Variants in CSMD1 observed in about 807,000 individuals in gnomAD.
CSMD1 encodes the protein CUB and Sushi multiple domains 1, also known as CUB and sushi domain-containing protein 1.
A neutral mutation model predicts 417.5 loss-of-function variants in CSMD1; 213 were observed. The ratio of observed to expected loss-of-function variants is 0.51; its 90% confidence interval spans 0.46 to 0.57. The LOEUF (loss-of-function observed/expected upper bound fraction) is 0.57, where lower values mean the gene tolerates loss of function less well. Among genes scored for constraint, CSMD1 ranks in the 20% least tolerant of loss-of-function variants. The pLI is 0.00. For synonymous variants in CSMD1, 2,862 were observed against 1,736.8 expected (o/e 1.65, Z -16.11); for missense variants, 6,923 against 4,529.7 (o/e 1.53, Z -15.17).
At chr8:4,323,247 C>T (rs1182466979) in intron 3 of CSMD1, among the ~76,000 whole-genome samples, 2 of 152,166 alleles carry the variant, frequency 1.3e-5, no homozygotes, top group African/African-American at 2.4e-5. Flanking sequence ...TATGTATAAG[C>T]AATTTTGCTT....
chr8:3,478,601 C>T (rs1489675615), intron 11 of CSMD1, among the ~76,000 whole-genome samples: 1 of 152,130 alleles, frequency 6.6e-6, no homozygotes, highest in Non-Finnish European at 1.5e-5. Context: ...AAACAGAAGG[C>T]CACTCCGACT....
chr8:3,563,744 C>G, intron 10 of CSMD1, among the ~76,000 whole-genome samples: 1 of 151,902 alleles, frequency 6.6e-6, no homozygotes. Flanking sequence ...CAAAGATTAG[C>G]TAGGTGTGGT....
intron 2 of CSMD1, among the ~76,000 whole-genome samples, chr8:4,438,825 C>G (rs1470392770): frequency 6.6e-6 from 1 of 152,210 alleles, no homozygotes; most frequent in East Asian, 1.9e-4. Flanking sequence ...AGATCTAATT[C>G]TCAAAATTGA....
At chr8:3,671,521 A>G in intron 7 of CSMD1, among the ~76,000 whole-genome samples, 1 of 7,794 alleles carries the variant, frequency 1.3e-4, no homozygotes, top group African/African-American at 8.7e-4. Flanking sequence ...ATGATCATAT[A>G]TATGATCATA....
intron 3 of CSMD1, among the ~76,000 whole-genome samples, chr8:4,250,237 C>A (rs1483103881): frequency 1.3e-5 from 2 of 152,160 alleles, no homozygotes; most frequent in Non-Finnish European, 2.9e-5. Flanking sequence ...CACAAATGTA[C>A]TAAGACAACC....
intron 3 of CSMD1, among the ~76,000 whole-genome samples, chr8:4,175,109 G>C (rs888887304): frequency 1.3e-5 from 2 of 151,884 alleles, no homozygotes; most frequent in African/African-American, 2.4e-5. Context: ...TTTCTGCCAA[G>C]AATAATAATA....
intron 3 of CSMD1, among the ~76,000 whole-genome samples, chr8:4,040,885 T>C (rs554346299): frequency 1.2e-4 from 18 of 152,324 alleles, no homozygotes; most frequent in South Asian, 1.0e-3. Context: ...GTTCACTATG[T>C]AAATGGCTCT....
At chr8:4,253,629 A>T (rs1301731144) in intron 3 of CSMD1, among the ~76,000 whole-genome samples, 1 of 152,172 alleles carries the variant, frequency 6.6e-6, no homozygotes, top group East Asian at 1.9e-4. Flanking sequence ...GACTGGAGGG[A>T]AGGGGCCAGA....
chr8:4,689,162 C>A (rs973999567), intron 1 of CSMD1, among the ~76,000 whole-genome samples: 1 of 152,140 alleles, frequency 6.6e-6, no homozygotes, highest in African/African-American at 2.4e-5. Context: ...AGGTAACAGG[C>A]CCCAAATCTG....
rs114568626 is a variant in CSMD1, at chr8:3,592,244, T to C, written c.1098-5984A>G. Among the ~76,000 whole-genome samples the C allele has an allele frequency of 8.8e-3, 1,332 of 152,194 alleles. 25 individuals are homozygous for C. Among genetic ancestry groups the C allele is most frequent in the African/African-American group, 0.031 (1,270 of 41,530 alleles). On this transcript the variant is annotated intron_variant, in intron 8 of 69. Transcript: ENST00000635120. ...ATAGATAGATACATAGATGGATAGATAGCTATAGAAAGACAGATATATATC... is the reference window on the plus strand; with the variant it reads ...ATAGATAGATACATAGATGGATAGACAGCTATAGAAAGACAGATATATATC...
chr8:4,210,659 C>A (rs954871893), intron 3 of CSMD1, among the ~76,000 whole-genome samples: 5 of 151,824 alleles, frequency 3.3e-5, no homozygotes, highest in African/African-American at 1.2e-4. Context: ...GAAAAAAAAA[C>A]ACTTATCTGA....
At chr8:4,197,424 A>C (rs908411894) in intron 3 of CSMD1, among the ~76,000 whole-genome samples, 1 of 152,200 alleles carries the variant, frequency 6.6e-6, no homozygotes, top group African/African-American at 2.4e-5. Context: ...AGAATGAGTA[A>C]AGCAGATTTC....
intron 1 of CSMD1, among the ~76,000 whole-genome samples, chr8:4,977,265 G>A (rs4242497): frequency 0.25 from 38,665 of 152,070 alleles, 6,230 homozygotes; most frequent in Non-Finnish European, 0.36. Flanking sequence ...TTCTGCAAAG[G>A]TAAGACTGAA....
intron 1 of CSMD1, among the ~76,000 whole-genome samples, chr8:4,898,682 T>A (rs556583195): frequency 6.6e-6 from 1 of 152,270 alleles, no homozygotes; most frequent in East Asian, 1.9e-4. Flanking sequence ...CAGGAAAGAC[T>A]GAGAAAAACG....
intron 6 of CSMD1, among the ~76,000 whole-genome samples, chr8:3,720,512 G>A (rs1486979453): frequency 6.6e-6 from 1 of 152,078 alleles, no homozygotes; most frequent in Admixed American, 6.6e-5. Context: ...CCTTTCTGCT[G>A]CCATAGACCT....
rs978514005 is a variant in CSMD1 at position 4,813,496 on chromosome 8, G to C, written c.86-175938C>G. Among the ~76,000 whole-genome samples, 6 of 152,256 alleles carry C rather than the reference G, an allele frequency of 3.9e-5. No homozygotes were observed. The South Asian group carries it at 8.3e-4, about 21-fold the overall frequency. ...AAAAAATAAATATCAGAAGCTGTCTGATTTGCTTTTTATCCTAAGCATAAT... is the reference window on the plus strand; with the variant it reads ...AAAAAATAAATATCAGAAGCTGTCTCATTTGCTTTTTATCCTAAGCATAAT... On this transcript the variant is annotated intron_variant, in intron 1 of 69. Transcript: ENST00000635120.
intron 4 of CSMD1, among the ~76,000 whole-genome samples, chr8:4,027,434 G>C (rs60077088): frequency 0.13 from 19,968 of 151,994 alleles, 1,913 homozygotes; most frequent in African/African-American, 0.26. Context: ...TAGATCATGG[G>C]GGTGGGTCCT....
intron 26 of CSMD1, among the ~76,000 whole-genome samples, chr8:3,257,211 C>A (rs2117066941): frequency 6.6e-6 from 1 of 152,284 alleles, no homozygotes; most frequent in East Asian, 1.9e-4. Context: ...GTAATCCCAG[C>A]TACTCAGGAG....
At chr8:2,981,845 T>C (rs549745917) in intron 54 of CSMD1, among the ~76,000 whole-genome samples, 1 of 152,288 alleles carries the variant, frequency 6.6e-6, no homozygotes, top group Non-Finnish European at 1.5e-5. Flanking sequence ...TCAGGACTCC[T>C]GAACACATGT....
Sources: gnomAD v4.1 joint callset for allele counts (sites outside exome capture counted in the v4.1 genomes callset) on GRCh38, gnomAD v4.1.1 for gene constraint, MANE v1.5 for transcripts, NCBI Gene and HGNC (gene_info 2026-07-23, HGNC 2026-07-21) for gene names.